MTCL1: variants seen among roughly 807,000 people sequenced by gnomAD.
The protein encoded by MTCL1 is microtubule cross-linking factor 1.
MTCL1 carries 79 observed loss-of-function variants against 141.4 expected under a neutral mutation model. The ratio of observed to expected loss-of-function variants is 0.56; its 90% CI spans 0.47 to 0.67. The LOEUF (loss-of-function observed/expected upper bound fraction) is 0.67. Ranked by LOEUF, MTCL1 falls within the 30% of genes least tolerant of loss-of-function variation. MTCL1 has a pLI of 0.00. For synonymous variants in MTCL1, 914 were observed against 875.8 expected (o/e 1.04, Z -0.77); for missense variants, 2,177 against 2,113.9 (o/e 1.03, Z -0.59).
At chr18:8,806,265 C>T (rs2076293812) in intron 10 of MTCL1, among the ~76,000 whole-genome samples, 1 of 152,136 alleles carries the variant, frequency 6.6e-6, no homozygotes, top group East Asian at 1.9e-4. Context: ...TAAACCCACC[C>T]ACACACAGTG....
At position 8,756,461 on chromosome 18, in the gene MTCL1, A is replaced by ATGTGTATATG. The variant is rs567594599; in HGVS notation, c.358-21352_358-21343dup. Among the ~76,000 whole-genome samples, 335 of 140,106 alleles carry ATGTGTATATG rather than the reference A, an allele frequency of 2.4e-3. 4 individuals are homozygous for ATGTGTATATG. Among genetic ancestry groups the ATGTGTATATG allele is most frequent in the Middle Eastern group, 0.022 (6 of 274 alleles). The allele number at this position is 140,106 out of a possible 152,430, so 91.9% of individuals were successfully genotyped here. A position where few individuals can be genotyped will look rare whatever the true frequency, so the allele number is the denominator to read the frequency against. On this transcript the variant is annotated intron_variant, in intron 4 of 16. Coordinates refer to ENST00000359865, the Ensembl canonical transcript of MTCL1. ...TATATATGTGTATATATGTGTATAT[A>ATGTGTATATG]TGTGTATATGTGTGTATATGTGTGT... is the stretch of plus-strand genomic sequence containing the variant.
chr18:8,783,787 C>T (rs894694031), exon 6 of MTCL1: 34 of 1,613,154 alleles, frequency 2.1e-5, no homozygotes, highest in Non-Finnish European at 2.6e-5. Context: ...GCCGGAAGAT[C>T]GTGGAGCTGG....
exon 15 of MTCL1, chr18:8,825,090 C>A (rs977342194): frequency 8.7e-6 from 14 of 1,608,426 alleles, no homozygotes; most frequent in African/African-American, 4.0e-5. Flanking sequence ...GCGCGTGTTA[C>A]ACAGCCCGCC....
chr18:8,708,667 A>G (rs2096070716), intron 1 of MTCL1, among the ~76,000 whole-genome samples: 1 of 152,176 alleles, frequency 6.6e-6, no homozygotes, highest in Non-Finnish European at 1.5e-5. Flanking sequence ...GTAGCTCAAA[A>G]TGTTCCTTGT....
chr18:8,820,209 A>G (rs1598802805), intron 13 of MTCL1, among the ~76,000 whole-genome samples: 1 of 152,060 alleles, frequency 6.6e-6, no homozygotes, highest in South Asian at 2.1e-4. Flanking sequence ...GGAGATCGAG[A>G]CCATCCTGGC....
chr18:8,786,132 T>G, intron 7 of MTCL1, 41 bp downstream of exon 6: 1 of 857,216 alleles, frequency 1.2e-6, no homozygotes, highest in Non-Finnish European at 1.5e-6. Flanking sequence ...GCCCTCCCCC[T>G]CCTTTTTCTG....
At chr18:8,752,297 A>G (rs1328100315) in intron 4 of MTCL1, among the ~76,000 whole-genome samples, 1 of 152,256 alleles carries the variant, frequency 6.6e-6, no homozygotes, top group Admixed American at 6.5e-5. Flanking sequence ...GCCTATCCAA[A>G]GTACTGAGCA....
chr18:8,730,896 G>A (rs541488100), intron 4 of MTCL1, among the ~76,000 whole-genome samples: 143 of 152,290 alleles, frequency 9.4e-4, no homozygotes, highest in African/African-American at 3.2e-3. Context: ...TTACCTACAC[G>A]TTAGAATGGA....
In MTCL1 at chr18:8,786,130, C is replaced by A. The variant is rs1206844462; in HGVS notation, c.1887+39C>A. ...AGCAATCCCCCCCCCCCGCCCTCCC[C>A]CTCCTTTTTCTGTGTGGCTGGCTGT... is the stretch of plus-strand genomic sequence containing the variant. On this transcript the variant is annotated intron_variant, in intron 7 of 16. Transcript: ENST00000359865. 3.3e-6 allele frequency: 5 copies of A among 1,503,692 alleles called. 1 individual carries two copies. The highest frequency in any genetic ancestry group is 4.5e-6 in the Non-Finnish European group (5 of 1,108,814). 93.1% of individuals were successfully genotyped at this position (1,503,692 alleles called of 1,614,324 possible). A position where few individuals can be genotyped will look rare whatever the true frequency, so the allele number is the denominator to read the frequency against.
intron 4 of MTCL1, among the ~76,000 whole-genome samples, chr18:8,760,257 CG>C (rs1374484020): frequency 6.6e-6 from 1 of 152,160 alleles, no homozygotes; most frequent in Non-Finnish European, 1.5e-5. Flanking sequence ...GGAAGGAGAA[CG>C]GGTTCAAATC....
exon 6 of MTCL1, chr18:8,783,553 C>T: frequency 1.2e-6 from 2 of 1,604,046 alleles, no homozygotes; most frequent in Non-Finnish European, 1.7e-6. Flanking sequence ...ATTTGAGGTG[C>T]CAGCTCCAGT....
chr18:8,750,515 C>T (rs1444364689), intron 4 of MTCL1, among the ~76,000 whole-genome samples: 1 of 152,172 alleles, frequency 6.6e-6, no homozygotes, highest in African/African-American at 2.4e-5. Flanking sequence ...GTGCATTCTG[C>T]GCTTGTCTCC....
intron 4 of MTCL1, among the ~76,000 whole-genome samples, chr18:8,767,628 CCCGGGGTCCAT>C (rs1474572465): frequency 2.0e-5 from 3 of 152,084 alleles, no homozygotes; most frequent in Non-Finnish European, 4.4e-5. Flanking sequence ...GACTTGAGTA[CCCGGGGTCCAT>C]CAGTCTTGTC....
At chr18:8,739,184 G>A (rs1248939762) in intron 4 of MTCL1, among the ~76,000 whole-genome samples, 1 of 152,210 alleles carries the variant, frequency 6.6e-6, no homozygotes, top group Non-Finnish European at 1.5e-5. Context: ...GTTCCAGGCT[G>A]TGGTGAGCTT....
At chr18:8,803,361 T>C (rs1053043391) in intron 10 of MTCL1, among the ~76,000 whole-genome samples, 1 of 152,144 alleles carries the variant, frequency 6.6e-6, no homozygotes, top group African/African-American at 2.4e-5. Flanking sequence ...GAACATAGTA[T>C]ATGCACTCAA....
chr18:8,824,918 C>T lies in MTCL1; in HGVS notation c.3408C>T (p.Thr1136=), dbSNP rs373407188. The change falls in exon 15 of 17, where the codon ACC becomes ACT. Residue 1136 remains threonine (T), a synonymous_variant. Coordinates refer to ENST00000359865, the Ensembl canonical transcript of MTCL1. ...GGCCGGACCTTTGGGCCGACAGGAC[C>T]GAGGTGGGGCGGGCAGGGCACGAGG... 127 of 1,613,636 alleles carry T rather than the reference C, an allele frequency of 7.9e-5. No homozygotes were observed. The African/African-American group carries it at 9.3e-4, about 12-fold the overall frequency.
intron 1 of MTCL1, chr18:8,707,771 AATACGG>A (rs1341680239): frequency 2.6e-5 from 4 of 152,278 alleles, no homozygotes; most frequent in African/African-American, 9.6e-5. Flanking sequence ...TGAGCTAACC[AATACGG>A]GCCCAGTTTT....
At chr18:8,781,485 TTA>T (rs1453172980) in intron 5 of MTCL1, among the ~76,000 whole-genome samples, 13 of 152,136 alleles carry the variant, frequency 8.5e-5, no homozygotes, top group Non-Finnish European at 1.8e-4. Flanking sequence ...CATGTGACAT[TTA>T]TATGTTATTC....
In MTCL1 at chr18:8,785,883, T is replaced by C. The variant is rs543896913; in HGVS notation, c.1732-53T>C. 6 of 1,522,944 alleles carry C rather than the reference T, an allele frequency of 3.9e-6. No homozygotes were observed. The African/African-American group carries it at 8.4e-5, about 21-fold the overall frequency. The allele number at this position is 1,522,944 out of a possible 1,614,324, so 94.3% of individuals were successfully genotyped here. A position where few individuals can be genotyped will look rare whatever the true frequency, so the allele number is the denominator to read the frequency against. On this transcript the variant is annotated intron_variant, in intron 6 of 16. Coordinates refer to ENST00000359865, the Ensembl canonical transcript of MTCL1. ...CTTGTCCTTTGTTTGTTTGTTTTTT[T>C]GTTTAAAATTTTAAAGAACAACAAC... is the stretch of plus-strand genomic sequence containing the variant.
Sources: allele counts gnomAD v4.1 joint callset (sites outside exome capture counted in the v4.1 genomes callset), GRCh38; gene constraint gnomAD v4.1.1; transcripts MANE v1.5; gene names NCBI Gene and HGNC (gene_info 2026-07-23, HGNC 2026-07-21).